Variants in ANGPTL2 observed in about 807,000 individuals in gnomAD.
ANGPTL2 encodes the protein angiopoietin-related protein 2.
Under a neutral mutation model 52.8 loss-of-function variants are expected in ANGPTL2, and 25 were observed. The ratio of observed to expected loss-of-function variants is 0.47; its 90% CI spans 0.35 to 0.66. The LOEUF (loss-of-function observed/expected upper bound fraction) is 0.66, where lower values mean the gene tolerates loss of function less well. Among genes scored for constraint, ANGPTL2 ranks in the 30% least tolerant of loss-of-function variants. The probability of loss-of-function intolerance (pLI) is 0.01; values close to 1 mark genes in which losing one functional copy is unlikely to be tolerated. For missense variants in ANGPTL2, 546 were observed against 656.9 expected, an observed-to-expected ratio of 0.83 and a Z score of 1.84; for synonymous variants, 276 against 277.4, an observed-to-expected ratio of 1.00 and a Z score of 0.05.
Position 127,108,670 on chromosome 9 carries a change from G to C in ANGPTL2, c.62C>G (p.Ala21Gly). 6.2e-7 allele frequency: 1 copy of C among 1,613,554 alleles called. No homozygotes were observed. Among genetic ancestry groups the C allele is most frequent in the Middle Eastern group, 1.7e-4 (1 of 5,918 alleles). ...LGLLAAMGAV[A>G]GQEDGFEGTE... ...GCCCTCAAAACCGTCCTCCTGGCCT[G>C]CAACAGCTCCCATGGCAGCCAGCAG... Residue 21 changes from alanine (A) to glycine (G), a missense_variant, in exon 2 of 5, where the codon GCA (alanine) becomes GGA (glycine). This residue lies in a region of ANGPTL2 where 285 missense variants were observed against 295.8 expected (regional missense o/e 0.96). Transcript: ENST00000373425.
chr9:127,097,287 CGGG>C (rs2136652659), intron 2 of ANGPTL2, among the ~76,000 whole-genome samples: 1 of 152,190 alleles, frequency 6.6e-6, no homozygotes, highest in African/African-American at 2.4e-5. Context: ...AAAAGGCAAA[CGGG>C]GTAATTCTTT....
Position 127,091,812 on chromosome 9 carries a change from T to A in ANGPTL2, c.1140A>T (p.Glu380Asp). The A allele has an allele frequency of 6.2e-7, 1 of 1,614,172 alleles. No individual in the cohort carries two copies. The highest frequency in any genetic ancestry group is 1.3e-5 in the African/African-American group (1 of 75,022). ...CAGGTTCCAGGCGGAAACTGGCGTA[T>A]TCTGCAAAGACTTTGCGGCCGGACC... ...EDWSGRKVFA[E>D]YASFRLEPES... The change falls in exon 4 of 5, where the codon GAA becomes GAT. Residue 380 changes from glutamate to aspartate, a missense_variant. Transcript: ENST00000373425. This position sits in a 1 kb window ranked among gnomAD's most constrained non-coding sequence, Gnocchi z 4.3.
Position 127,091,575 on chromosome 9 carries a change from G to C in ANGPTL2, c.1282+95C>G. ...TTGGCCCAGCTGCTTCTCACCCTGG[G>C]ATCTTCCCGTTTCCAAGCCCTGGAG... On this transcript the variant is annotated intron_variant, in intron 4 of 4. Coordinates refer to ENST00000373425, the MANE Select transcript of ANGPTL2 (RefSeq NM_012098.3). This position sits in a 1 kb window ranked among gnomAD's most constrained non-coding sequence, Gnocchi z 4.3. The C allele has an allele frequency of 6.6e-7, 1 of 1,503,936 alleles. No homozygotes were observed. 93.2% of individuals were successfully genotyped at this position (1,503,936 alleles called of 1,614,324 possible). A position where few individuals can be genotyped will look rare whatever the true frequency, so the allele number is the denominator to read the frequency against.
At chr9:127,104,125 CCTT>C (rs1406084886) in intron 2 of ANGPTL2, among the ~76,000 whole-genome samples, 5 of 152,136 alleles carry the variant, frequency 3.3e-5, no homozygotes, top group Admixed American at 1.3e-4. Context: ...TTTTATGGCC[CCTT>C]CTTCTTCACT....
intron 2 of ANGPTL2, among the ~76,000 whole-genome samples, chr9:127,098,674 C>G (rs2053414583): frequency 2.0e-5 from 3 of 152,156 alleles, no homozygotes; most frequent in Admixed American, 6.5e-5. Context: ...TTCCTTCCTC[C>G]TCTCTGGGGT....
Position 127,088,767 on chromosome 9 carries a change from C to A in ANGPTL2, c.*172G>T. On this transcript the variant is annotated 3_prime_UTR_variant, in exon 5 of 5. Transcript: ENST00000373425. ...GGAAAGTAGGAGGGACAGAAAACACCGTATCGATTCAGTTCCATCATCCGC... is the reference window on the plus strand; with the variant it reads ...GGAAAGTAGGAGGGACAGAAAACACAGTATCGATTCAGTTCCATCATCCGC... 1 of 717,822 alleles carries A rather than the reference C, an allele frequency of 1.4e-6. No individual in the cohort carries two copies. Among genetic ancestry groups the A allele is most frequent in the South Asian group, 1.8e-5 (1 of 54,096 alleles). 44.5% of individuals were successfully genotyped at this position (717,822 alleles called of 1,614,324 possible). A position where few individuals can be genotyped will look rare whatever the true frequency, so the allele number is the denominator to read the frequency against.
intron 2 of ANGPTL2, among the ~76,000 whole-genome samples, chr9:127,094,354 A>G (rs1336425828): frequency 2.0e-5 from 3 of 152,210 alleles, no homozygotes; most frequent in African/African-American, 7.2e-5. Context: ...ACGTGGCAAC[A>G]TCAGTCAGTG....
chr9:127,092,078 A>G, intron 3 of ANGPTL2, 138 bp from the exon 4 acceptor site: 3 of 1,005,138 alleles, frequency 3.0e-6, no homozygotes, highest in South Asian at 3.1e-5. Context: ...TCAGACCCCT[A>G]CTCCACCTCT....
Position 127,110,212 on chromosome 9 carries a change from A to G in ANGPTL2, c.-49-1432T>C, listed in dbSNP as rs140580115. Among the ~76,000 whole-genome samples the G allele has an allele frequency of 2.9e-3, 447 of 152,124 alleles. 3 individuals are homozygous for G. Among genetic ancestry groups the G allele is most frequent in the African/African-American group, 0.01 (426 of 41,488 alleles). Reference sequence around the variant, plus strand: ...GGCTTTGCCCGCTCCCCTTCATTCTAGGTTGCCCTAGACAGGATCCCCTGT... The same window carrying G: ...GGCTTTGCCCGCTCCCCTTCATTCTGGGTTGCCCTAGACAGGATCCCCTGT... On this transcript the variant is annotated intron_variant, in intron 1 of 4. Transcript: ENST00000373425.
rs117731185 is a variant in ANGPTL2 at position 127,109,928 on chromosome 9, C to T, written c.-49-1148G>A. On this transcript the variant is annotated intron_variant, in intron 1 of 4. Transcript: ENST00000373425. ...ATGGGCCAAGAGGGAGGGGAGGACA[C>T]GTGCTAGATCCCTTCTCTTGCCCAC... 6.0e-4 allele frequency among the ~76,000 whole-genome samples: 91 copies of T among 152,310 alleles called. 1 individual carries two copies. The East Asian group carries it at 0.011, about 18-fold the overall frequency.
At chr9:127,114,005 C>T (rs973233605) in intron 1 of ANGPTL2, among the ~76,000 whole-genome samples, 5 of 152,196 alleles carry the variant, frequency 3.3e-5, no homozygotes, top group Non-Finnish European at 7.3e-5. Flanking sequence ...TTGAGTTCAC[C>T]CCAAAGGTTA....
intron 2 of ANGPTL2, among the ~76,000 whole-genome samples, chr9:127,096,588 A>G (rs1406775537): frequency 1.3e-5 from 2 of 152,208 alleles, no homozygotes; most frequent in African/African-American, 4.8e-5. Context: ...TGTGGGCGCC[A>G]TGAATGATCT....
In ANGPTL2 at chr9:127,103,886, G is replaced by A. The variant is rs779862237; in HGVS notation, c.817+4029C>T. Among the ~76,000 whole-genome samples the A allele has an allele frequency of 5.3e-5, 8 of 152,298 alleles. No homozygotes were observed. The East Asian group carries it at 5.8e-4, about 11-fold the overall frequency. ...ACACCAGTTCCCCTCCAGCCTTCCC[G>A]TGGAAGTGTGCAATATCCAGAGTAG... On this transcript the variant is annotated intron_variant, in intron 2 of 4. Transcript: ENST00000373425.
intron 2 of ANGPTL2, among the ~76,000 whole-genome samples, chr9:127,098,864 T>C (rs1015961169): frequency 3.3e-5 from 5 of 152,156 alleles, no homozygotes; most frequent in Non-Finnish European, 7.4e-5. Context: ...TCTCTGTGGG[T>C]CTGGGGCAGA....
At chr9:127,110,138 T>C (rs944170709) in intron 1 of ANGPTL2, among the ~76,000 whole-genome samples, 4 of 152,188 alleles carry the variant, frequency 2.6e-5, no homozygotes, top group African/African-American at 9.6e-5. Flanking sequence ...CACTCACCAT[T>C]TCCAGAAAGT....
chr9:127,098,983 A>T (rs934623121), intron 2 of ANGPTL2, among the ~76,000 whole-genome samples: 1 of 152,188 alleles, frequency 6.6e-6, no homozygotes, highest in Non-Finnish European at 1.5e-5. Context: ...TGGCTCCGTG[A>T]ATATCTGACC....
In ANGPTL2 at chr9:127,108,484, C is replaced by T. The variant is rs370920897; in HGVS notation, c.248G>A (p.Arg83Gln). The change falls in exon 2 of 5, where the codon CGA becomes CAA. Residue 83 changes from arginine to glutamine, a missense_variant. Physicochemically the swap from Arg to Gln is conservative, Grantham distance 43. Around this residue, in one of 2 missense-constraint regions of ANGPTL2, gnomAD observed 285 missense variants for 295.8 expected, o/e 0.96. Transcript: ENST00000373425. ...SKEPEVLLEN[R>Q]VHKQELELLN... ...CAGCTCTAGCTCCTGCTTATGCACT[C>T]GGTTCTCCAGAAGCACCTCAGGCTC... 34 of 1,612,522 alleles carry T rather than the reference C, an allele frequency of 2.1e-5. No homozygotes were observed. Among genetic ancestry groups the T allele is most frequent in the South Asian group, 9.9e-5 (9 of 90,894 alleles).
At chr9:127,107,829 G>T in intron 2 of ANGPTL2, 86 bp downstream of exon 2, 2 of 1,392,008 alleles carry the variant, frequency 1.4e-6, no homozygotes, top group Non-Finnish European at 1.9e-6. Context: ...ACTGGCCATG[G>T]CTTTTCCCCA....
rs571824424 is a variant in ANGPTL2, at chr9:127,108,995, A to AG, written c.-49-216dup. On this transcript the variant is annotated intron_variant, in intron 1 of 4. Coordinates refer to ENST00000373425, the MANE Select transcript of ANGPTL2 (RefSeq NM_012098.3). ...CCAGCAGAGGTAGAAGGGAAGAGGG[A>AG]GGGTCTCAGGGCATCTGAAGGCAGG... Among the ~76,000 whole-genome samples the AG allele has an allele frequency of 1.9e-4, 29 of 152,292 alleles. 1 individual carries two copies. The East Asian group carries it at 2.5e-3, about 13-fold the overall frequency.
Sources: gnomAD v4.1 joint callset for allele counts (sites outside exome capture counted in the v4.1 genomes callset) on GRCh38, gnomAD v4.1.1 for gene constraint, gnomAD v4.1.1 regional missense constraint, Gnocchi (gnomAD v3.1) non-coding constraint, MANE v1.5 for transcripts, NCBI Gene and HGNC (gene_info 2026-07-23, HGNC 2026-07-21) for gene names.